The following ZBBX variants were observed in gnomAD, a reference collection of about 807,000 sequenced individuals.
The protein encoded by ZBBX is zinc finger B-box domain containing.
Under a neutral mutation model 108.5 loss-of-function variants are expected in ZBBX, and 101 were observed. The observed-to-expected ratio is 0.93, with a 90% CI of 0.79 to 1.10. ZBBX has a LOEUF of 1.10. Among genes scored for constraint, ZBBX ranks in the 50% least tolerant of loss-of-function variants. ZBBX has a pLI of 0.00. For missense variants in ZBBX, 1,009 were observed against 941.4 expected (o/e 1.07, Z -0.94); for synonymous variants, 356 against 323.4 (o/e 1.10, Z -1.08).
chr3:167,267,406 G>A (rs544515119), intron 20 of ZBBX, among the ~76,000 whole-genome samples: 1 of 152,286 alleles, frequency 6.6e-6, no homozygotes, highest in South Asian at 2.1e-4. Flanking sequence ...ATGAGAAATT[G>A]AGCCTAACTA....
the ZBBX span, among the ~76,000 whole-genome samples, chr3:167,232,012 G>T: frequency 6.6e-6 from 1 of 151,680 alleles, no homozygotes; most frequent in Non-Finnish European, 1.5e-5. Flanking sequence ...TTGGCCATTT[G>T]ATATGATTGT....
the ZBBX span, among the ~76,000 whole-genome samples, chr3:167,212,589 C>A: frequency 6.6e-6 from 1 of 152,160 alleles, no homozygotes; most frequent in Non-Finnish European, 1.5e-5. Flanking sequence ...CTGGCGTGGA[C>A]CCACAGCACA....
the ZBBX span, among the ~76,000 whole-genome samples, chr3:167,218,326 A>C: frequency 6.6e-6 from 1 of 152,200 alleles, no homozygotes; most frequent in African/African-American, 2.4e-5. Flanking sequence ...AAAACATAGA[A>C]TATTATAACA....
At position 167,252,589 on chromosome 3, in the gene ZBBX, G is replaced by GAA. The variant is rs57589258; in HGVS notation, c.2255-9948_2255-9947dup. On this transcript the variant is annotated intron_variant, in intron 20 of 21. Coordinates refer to ENST00000675490, the MANE Select transcript of ZBBX (RefSeq NM_001199201.2). ...TCATACAAAGCCAATCTTCCCAACA[G>GAA]AAAAAAAAAAAAAAATCCATGTCTG... is the stretch of plus-strand genomic sequence containing the variant. Among the ~76,000 whole-genome samples, 328 of 143,444 alleles carry GAA rather than the reference G, an allele frequency of 2.3e-3. 1 individual carries two copies. The highest frequency in any genetic ancestry group is 7.3e-3 in the East Asian group (36 of 4,926). The allele number at this position is 143,444 out of a possible 152,430, so 94.1% of individuals were successfully genotyped here.
chr3:167,346,920 C>A (rs904360667), intron 9 of ZBBX, among the ~76,000 whole-genome samples: 1 of 151,754 alleles, frequency 6.6e-6, no homozygotes, highest in Non-Finnish European at 1.5e-5. Context: ...AGCTACAAGA[C>A]AATTGATTAA....
intron 19 of ZBBX, among the ~76,000 whole-genome samples, chr3:167,282,758 T>C (rs2108529242): frequency 6.6e-6 from 1 of 152,250 alleles, no homozygotes; most frequent in South Asian, 2.1e-4. Context: ...ATTTTAATAT[T>C]CACAAAGGAA....
At chr3:167,202,001 A>T in the ZBBX span, among the ~76,000 whole-genome samples, 11 of 152,098 alleles carry the variant, frequency 7.2e-5, no homozygotes, top group African/African-American at 2.4e-4. Context: ...AATTTCTACC[A>T]CTTGCAGTTT....
chr3:167,338,670 G>T (rs1392280456), intron 9 of ZBBX, among the ~76,000 whole-genome samples: 1 of 152,046 alleles, frequency 6.6e-6, no homozygotes, highest in African/African-American at 2.4e-5. Flanking sequence ...TTTTAGAAGA[G>T]ATTTATTGTA....
chr3:167,312,482 G>A (rs1406919655), intron 16 of ZBBX, among the ~76,000 whole-genome samples: 1 of 152,134 alleles, frequency 6.6e-6, no homozygotes, highest in Non-Finnish European at 1.5e-5. Flanking sequence ...TGTAGTAAAT[G>A]TACCAGTCTG....
intron 20 of ZBBX, among the ~76,000 whole-genome samples, chr3:167,276,612 G>A (rs533004006): frequency 9.2e-5 from 14 of 152,308 alleles, no homozygotes; most frequent in African/African-American, 2.6e-4. Context: ...CCAAATCTAC[G>A]TCTGACTGGT....
intron 18 of ZBBX, among the ~76,000 whole-genome samples, chr3:167,293,635 A>C (rs961765030): frequency 6.6e-6 from 1 of 152,124 alleles, no homozygotes; most frequent in Admixed American, 6.6e-5. Context: ...AAAACCAGCA[A>C]AAGACAAGGA....
At chr3:167,192,525 G>A in the ZBBX span, among the ~76,000 whole-genome samples, 1 of 152,100 alleles carries the variant, frequency 6.6e-6, no homozygotes, top group Non-Finnish European at 1.5e-5. Context: ...TTATTTGCTT[G>A]TTTGCTCTTG....
chr3:167,365,739 C>A, intron 6 of ZBBX, 147 bp downstream of exon 6: 4 of 454,510 alleles, frequency 8.8e-6, no homozygotes, highest in Admixed American at 4.1e-5. Flanking sequence ...TGCATATTAC[C>A]CTGCAAAATA....
chr3:167,191,896 CATATATATAT>C, the ZBBX span, among the ~76,000 whole-genome samples: 130 of 67,954 alleles, frequency 1.9e-3, 4 homozygotes, highest in Middle Eastern at 0.034. Flanking sequence ...TTACAAAAAT[CATATATATAT>C]ATATATATAT....
chr3:167,264,212 GTTA>G (rs140785198), intron 20 of ZBBX, among the ~76,000 whole-genome samples: 48,715 of 151,780 alleles, frequency 0.32, 8,237 homozygotes, highest in East Asian at 0.65. Flanking sequence ...ATTCAATGTT[GTTA>G]TTGATAAGGA....
chr3:167,371,577 C>T (rs976091490), intron 4 of ZBBX, among the ~76,000 whole-genome samples: 7 of 152,148 alleles, frequency 4.6e-5, no homozygotes, highest in Admixed American at 4.6e-4. Context: ...TTCCCTAGCA[C>T]AGTGTATAGA....
intron 1 of ZBBX, among the ~76,000 whole-genome samples, chr3:167,401,827 T>C (rs573765206): frequency 9.2e-5 from 14 of 152,366 alleles, no homozygotes; most frequent in African/African-American, 2.4e-4. Context: ...ACCCAGCTCC[T>C]GTTCTAGACG....
the ZBBX span, among the ~76,000 whole-genome samples, chr3:167,228,497 A>C: frequency 6.6e-6 from 1 of 151,768 alleles, no homozygotes; most frequent in East Asian, 1.9e-4. Flanking sequence ...TGATGGACAA[A>C]ATCTCACACA....
chr3:167,305,562 G>A, intron 17 of ZBBX, 81 bp downstream of exon 17: 1 of 1,094,314 alleles, frequency 9.1e-7, no homozygotes, highest in Non-Finnish European at 1.2e-6. Flanking sequence ...GAAGTAACTT[G>A]AGAATGTATT....
Sources: gnomAD v4.1 joint callset for allele counts (sites outside exome capture counted in the v4.1 genomes callset) on GRCh38, gnomAD v4.1.1 for gene constraint, MANE v1.5 for transcripts, NCBI Gene and HGNC (gene_info 2026-07-23, HGNC 2026-07-21) for gene names.